Variants in CEP152 observed in about 807,000 individuals in gnomAD.
The protein encoded by CEP152 is centrosomal protein of 152 kDa.
Under a neutral mutation model 188.9 loss-of-function variants are expected in CEP152, and 132 were observed. The observed-to-expected ratio is 0.70, with a 90% CI of 0.61 to 0.81. CEP152 has a LOEUF of 0.81. Among genes scored for constraint, CEP152 ranks in the 30% least tolerant of loss-of-function variants. The pLI is 0.00. For missense variants in CEP152, 1,914 were observed against 1,969.8 expected (o/e 0.97, Z 0.54); for synonymous variants, 649 against 666.6 (o/e 0.97, Z 0.41).
chr15:48,809,324 A>G (rs576745368), intron 1 of CEP152, among the ~76,000 whole-genome samples: 2 of 152,322 alleles, frequency 1.3e-5, no homozygotes, highest in African/African-American at 2.4e-5. Context: ...AGATGCACCT[A>G]AGACATGGTA....
intron 8 of CEP152, among the ~76,000 whole-genome samples, chr15:48,789,835 G>T (rs926577973): frequency 2.0e-5 from 3 of 152,176 alleles, no homozygotes; most frequent in Non-Finnish European, 4.4e-5. Flanking sequence ...ATGCAGCCTT[G>T]TTGACACCCT....
intron 10 of CEP152, among the ~76,000 whole-genome samples, chr15:48,782,981 T>C (rs1896355260): frequency 6.6e-6 from 1 of 152,198 alleles, no homozygotes; most frequent in Non-Finnish European, 1.5e-5. Context: ...TCAAGACATA[T>C]ATACACATAC....
intron 10 of CEP152, chr15:48,783,246 TAAGA>T (rs1268484584): frequency 6.6e-6 from 1 of 152,132 alleles, no homozygotes; most frequent in Non-Finnish European, 1.5e-5. Flanking sequence ...TAAAAATTAA[TAAGA>T]AATAAAACAA....
rs188779889 is a variant in CEP152, at chr15:48,760,095, A to G, written c.2694+40T>C. Reference sequence around the variant, plus strand: ...ACTGAGATAAGAGAAGGGGTCAGGTAAGACAGCCTCCTGAAGTGTCTTTGC... The same window carrying G: ...ACTGAGATAAGAGAAGGGGTCAGGTGAGACAGCCTCCTGAAGTGTCTTTGC... On this transcript the variant is annotated intron_variant, in intron 19 of 26. Transcript: ENST00000380950. 6 of 1,613,286 alleles carry G rather than the reference A, an allele frequency of 3.7e-6. No individual in the cohort carries two copies. In the East Asian group the frequency reaches 8.9e-5, roughly 24 times the overall value.
At chr15:48,732,760 T>A (rs531674607) in intron 2 of CEP152, among the ~76,000 whole-genome samples, 5 of 152,192 alleles carry the variant, frequency 3.3e-5, no homozygotes, top group Admixed American at 6.5e-5. Context: ...TTTACCTTAA[T>A]TTTTAAAACA....
chr15:48,802,452 C>T (rs1300176673), intron 2 of CEP152, among the ~76,000 whole-genome samples: 3 of 152,176 alleles, frequency 2.0e-5, no homozygotes, highest in Non-Finnish European at 2.9e-5. Context: ...TCTGCTCTGT[C>T]GACTATTTTT....
chr15:48,756,178 G>C lies in CEP152; in HGVS notation c.3070C>G (p.Arg1024Gly). 6.2e-7 allele frequency: 1 copy of C among 1,613,934 alleles called. No homozygotes were observed. The highest frequency in any genetic ancestry group is 8.5e-7 in the Non-Finnish European group (1 of 1,179,968). Reference sequence around the variant, plus strand: ...GCTTCCTGCATAGTCCATTCTCTACGACTCTGGTCTAGACAAGTTTGTAAT... The same window carrying C: ...GCTTCCTGCATAGTCCATTCTCTACCACTCTGGTCTAGACAAGTTTGTAAT... ...TELQTCLDQS[R>G]REWTMQEAKR... Residue 1024 changes from arginine (R) to glycine (G), a missense_variant, in exon 20 of 27, where the codon CGT becomes GGT. By Grantham distance (125) the Arg-to-Gly change is moderately radical (BLOSUM62 -2). Coordinates refer to ENST00000380950, the MANE Select transcript of CEP152 (RefSeq NM_001194998.2).
intron 2 of CEP152, among the ~76,000 whole-genome samples, chr15:48,732,550 G>T (rs1892458631): frequency 6.6e-6 from 1 of 151,910 alleles, no homozygotes; most frequent in South Asian, 2.1e-4. Flanking sequence ...CCTGTTGGGG[G>T]TTTGGGGTGA....
intron 1 of CEP152, among the ~76,000 whole-genome samples, chr15:48,807,496 A>G (rs975004604): frequency 5.9e-5 from 9 of 151,616 alleles, no homozygotes; most frequent in Non-Finnish European, 8.8e-5. Context: ...CGGAGCTTGC[A>G]GTGAGCCGAG....
At chr15:48,776,381 T>C (rs1386897011) in intron 12 of CEP152, among the ~76,000 whole-genome samples, 1 of 152,140 alleles carries the variant, frequency 6.6e-6, no homozygotes, top group Non-Finnish European at 1.5e-5. Context: ...CTCTCAATAC[T>C]GGCTAGGTTA....
In CEP152 at chr15:48,798,048, G is replaced by A; in HGVS notation, c.91C>T (p.Gln31Ter). ...TGGGGAAGGTCTGTGAGTAACTGCT[G>A]CAACTGAGTCAAAAGGTCTGCATCA... is the stretch of plus-strand genomic sequence containing the variant. ...EEDYEREKEL[Q>*]QLLTDLPHDM... The change falls in exon 3 of 27, where the codon CAG becomes TAG. Residue 31 changes from glutamine to a stop codon, truncating the protein, a stop_gained. Coordinates refer to ENST00000380950, the MANE Select transcript of CEP152 (RefSeq NM_001194998.2). LOFTEE classifies it high-confidence loss of function. The A allele has an allele frequency of 6.2e-7, 1 of 1,613,256 alleles. No individual in the cohort carries two copies. The highest frequency in any genetic ancestry group is 8.5e-7 in the Non-Finnish European group (1 of 1,179,340).
intron 2 of CEP152, among the ~76,000 whole-genome samples, chr15:48,802,850 A>C (rs1210814700): frequency 6.6e-6 from 1 of 152,258 alleles, no homozygotes; most frequent in African/African-American, 2.4e-5. Context: ...GATGGCATGA[A>C]GGTTGGAATG....
At chr15:48,730,224 C>G (rs1244166058) in intron 2 of CEP152, among the ~76,000 whole-genome samples, 1 of 152,128 alleles carries the variant, frequency 6.6e-6, no homozygotes, top group African/African-American at 2.4e-5. Flanking sequence ...TTAGCAGCCT[C>G]TCTGCTACAG....
In CEP152 at chr15:48,782,280, G is replaced by C. The variant is rs1328193669; in HGVS notation, c.1322-50C>G. ...ATACTGAAAAAATTAAGGGGACAAAGTGCTTATGATCTACAGAAGACTTGA... is the reference window on the plus strand; with the variant it reads ...ATACTGAAAAAATTAAGGGGACAAACTGCTTATGATCTACAGAAGACTTGA... On this transcript the variant is annotated intron_variant, in intron 10 of 26. Transcript: ENST00000380950. 8 of 1,499,790 alleles carry C rather than the reference G, an allele frequency of 5.3e-6. No individual in the cohort carries two copies. The South Asian group carries it at 9.0e-5, about 17-fold the overall frequency. 92.9% of individuals were successfully genotyped at this position (1,499,790 alleles called of 1,614,324 possible). A position where few individuals can be genotyped will look rare whatever the true frequency, so the allele number is the denominator to read the frequency against.
At position 48,789,061 on chromosome 15, in the gene CEP152, G is replaced by A. The variant is rs1302723760; in HGVS notation, c.973-60C>T. ...TATACACAGAGTATTTTAGCTCTGT[G>A]CTGTCTATAAACTTTTACTTTTACT... On this transcript the variant is annotated intron_variant, in intron 8 of 26. Coordinates refer to ENST00000380950, the MANE Select transcript of CEP152 (RefSeq NM_001194998.2). 4.2e-6 allele frequency: 6 copies of A among 1,439,304 alleles called. 1 individual carries two copies. The Middle Eastern group carries it at 5.3e-4, about 127-fold the overall frequency. 89.2% of individuals were successfully genotyped at this position (1,439,304 alleles called of 1,614,324 possible).
Position 48,748,588 on chromosome 15 carries a change from AAT to A in CEP152, c.3487_3488del (p.Ile1163Ter). The part of the protein sequence containing the change: ...AEADKKKVLE[I>X]KDLCCGHCFQ... Reference sequence around the variant, plus strand: ...AGCAGTGTCCACAGCATAAATCCTTAATTTCAAGGACCTTTTTCTTATCTGCA... The same window carrying A: ...AGCAGTGTCCACAGCATAAATCCTTATTCAAGGACCTTTTTCTTATCTGCA... On this transcript the variant is annotated frameshift_variant, in exon 22 of 27. Coordinates refer to ENST00000380950, the MANE Select transcript of CEP152 (RefSeq NM_001194998.2). LOFTEE classifies it high-confidence loss of function. 1 of 1,502,820 alleles carries A rather than the reference AAT, an allele frequency of 6.7e-7. No homozygotes were observed. The highest frequency in any genetic ancestry group is 1.4e-5 in the African/African-American group (1 of 71,424). The allele number at this position is 1,502,820 out of a possible 1,614,324, so 93.1% of individuals were successfully genotyped here.
chr15:48,773,432 G>C (rs79202304), intron 12 of CEP152: 1 of 152,478 alleles, frequency 6.6e-6, no homozygotes, highest in Non-Finnish European at 1.5e-5. Context: ...ATAGCACAGG[G>C]AGGTGAAACC....
In CEP152 at chr15:48,781,237, C is replaced by G; in HGVS notation, c.1536G>C (p.Leu512Phe). The G allele has an allele frequency of 6.2e-7, 1 of 1,613,482 alleles. No individual in the cohort carries two copies. The highest frequency in any genetic ancestry group is 8.5e-7 in the Non-Finnish European group (1 of 1,179,680). Reference protein sequence around the residue: ...NIELTESYVDLGIKKVNWKKS... With the variant: ...NIELTESYVDFGIKKVNWKKS... ...TTTTCCAGTTGACCTTTTTAATACCCAAATCCACATACGATTCAGTGAGTT... is the reference window on the plus strand; with the variant it reads ...TTTTCCAGTTGACCTTTTTAATACCGAAATCCACATACGATTCAGTGAGTT... Residue 512 changes from leucine (L) to phenylalanine (F), a missense_variant, in exon 12 of 27, where the codon TTG (leucine) becomes TTC (phenylalanine). Leu to Phe is a conservative substitution (Grantham distance 22). Coordinates refer to ENST00000380950, the MANE Select transcript of CEP152 (RefSeq NM_001194998.2).
chr15:48,795,933 G>A (rs1595693094), intron 6 of CEP152, 77 bp downstream of exon 6: 3 of 1,289,416 alleles, frequency 2.3e-6, no homozygotes, highest in East Asian at 4.7e-5. Flanking sequence ...ATTCTTGAAT[G>A]TGCTCAAATA....
Sources: gnomAD v4.1 joint callset for allele counts (sites outside exome capture counted in the v4.1 genomes callset) on GRCh38, gnomAD v4.1.1 for gene constraint, MANE v1.5 for transcripts, NCBI Gene and HGNC (gene_info 2026-07-23, HGNC 2026-07-21) for gene names.